The following ULK4 variants were observed in gnomAD, a reference collection of about 807,000 sequenced individuals.
ULK4 encodes inactive serine/threonine-protein kinase ULK4.
ULK4 carries 133 observed loss-of-function variants against 160.6 expected under a neutral mutation model. The observed-to-expected ratio is 0.83, with a 90% CI of 0.72 to 0.96. The LOEUF is 0.96. ULK4 is among the 40% of genes least tolerant of loss of function. The pLI, the probability that ULK4 is intolerant of heterozygous loss-of-function variation, is 0.00. For missense variants in ULK4, 1,580 were observed against 1,499.5 expected, an observed-to-expected ratio of 1.05 and a Z score of -0.89; for synonymous variants, 534 against 539.8, an observed-to-expected ratio of 0.99 and a Z score of 0.15.
rs71075479 is a variant in ULK4, at chr3:41,590,461, CAAAAAAAAA to C, written c.3121-24340_3121-24332del. Among the ~76,000 whole-genome samples the C allele has an allele frequency of 7.9e-3, 451 of 56,904 alleles. 3 individuals are homozygous for C. Among genetic ancestry groups the C allele is most frequent in the African/African-American group, 0.028 (412 of 14,588 alleles). 37.3% of individuals were successfully genotyped at this position (56,904 alleles called of 152,430 possible). Reference sequence around the variant, plus strand: ...TAAAACCCCGTCTCTACTAAAAATACAAAAAAAAAAAAAAAAAAAAAAAAATTAGCCGGG... The same window carrying C: ...TAAAACCCCGTCTCTACTAAAAATACAAAAAAAAAAAAAAAATTAGCCGGG... On this transcript the variant is annotated intron_variant, in intron 31 of 36. Coordinates refer to ENST00000301831, the MANE Select transcript of ULK4 (RefSeq NM_017886.4).
At chr3:41,726,389 C>T (rs866489347) in intron 22 of ULK4, among the ~76,000 whole-genome samples, 2 of 152,192 alleles carry the variant, frequency 1.3e-5, no homozygotes, top group African/African-American at 4.8e-5. Context: ...ACTGACTTTA[C>T]TGACAAGAGA....
chr3:41,643,501 A>T (rs191679313), intron 30 of ULK4, among the ~76,000 whole-genome samples: 3 of 152,122 alleles, frequency 2.0e-5, no homozygotes, highest in Non-Finnish European at 2.9e-5. Flanking sequence ...CAGATAGTTG[A>T]AGATATGCGG....
chr3:41,637,277 A>G (rs1272458002), intron 30 of ULK4, among the ~76,000 whole-genome samples: 4 of 152,152 alleles, frequency 2.6e-5, no homozygotes, highest in Admixed American at 6.6e-5. Context: ...TCCACATATA[A>G]GTGAGATGAT....
At chr3:41,913,415 C>T (rs980716526) in intron 8 of ULK4, among the ~76,000 whole-genome samples, 7 of 151,972 alleles carry the variant, frequency 4.6e-5, no homozygotes, top group Non-Finnish European at 7.4e-5. Context: ...TTAGTAGAGA[C>T]GGGATTTCAC....
At chr3:41,451,851 G>A (rs1319397634) in intron 34 of ULK4, among the ~76,000 whole-genome samples, 1 of 152,070 alleles carries the variant, frequency 6.6e-6, no homozygotes, top group Non-Finnish European at 1.5e-5. Flanking sequence ...TAATATCAAG[G>A]AATCAAAAAC....
intron 1 of ULK4, among the ~76,000 whole-genome samples, chr3:41,960,590 C>T (rs890800929): frequency 6.6e-6 from 1 of 152,100 alleles, no homozygotes; most frequent in Non-Finnish European, 1.5e-5. Flanking sequence ...GTCTAGAACT[C>T]CTGGCCTCAA....
At chr3:41,536,283 T>C (rs925960798) in intron 32 of ULK4, among the ~76,000 whole-genome samples, 3 of 152,106 alleles carry the variant, frequency 2.0e-5, no homozygotes. Flanking sequence ...ATATGATGAG[T>C]ATTTCTTCTC....
rs1698629827 is a variant in ULK4 at position 41,907,878 on chromosome 3, G to C, written c.1149C>G (p.His383Gln). Reference sequence around the variant, plus strand: ...GAGGAGAAGTCTTCTGTGGTGAACAGTGAGTCATATCCTCACCAGGACTTA... The same window carrying C: ...GAGGAGAAGTCTTCTGTGGTGAACACTGAGTCATATCCTCACCAGGACTTA... ...VEVSPGEDMT[H>Q]CSPQKTSPLT... The change falls in exon 12 of 37, where the codon CAC becomes CAG. Residue 383 changes from histidine to glutamine, a missense_variant. Coordinates refer to ENST00000301831, the MANE Select transcript of ULK4 (RefSeq NM_017886.4). 1 of 1,601,664 alleles carries C rather than the reference G, an allele frequency of 6.2e-7. No individual in the cohort carries two copies. The highest frequency in any genetic ancestry group is 1.1e-5 in the South Asian group (1 of 88,818).
At chr3:41,739,761 C>T (rs2038180723) in intron 22 of ULK4, among the ~76,000 whole-genome samples, 1 of 151,902 alleles carries the variant, frequency 6.6e-6, no homozygotes, top group African/African-American at 2.4e-5. Flanking sequence ...CCACCCAGGG[C>T]TTGCTCAATG....
intron 34 of ULK4, among the ~76,000 whole-genome samples, chr3:41,442,914 G>C (rs543500742): frequency 5.9e-5 from 9 of 152,294 alleles, no homozygotes; most frequent in Admixed American, 5.9e-4. Flanking sequence ...AGTTTGAATA[G>C]TGCTTCTCTT....
At position 41,665,104 on chromosome 3, in the gene ULK4, T is replaced by C. The variant is rs577168694; in HGVS notation, c.2979-1405A>G. On this transcript the variant is annotated intron_variant, in intron 29 of 36. Coordinates refer to ENST00000301831, the MANE Select transcript of ULK4 (RefSeq NM_017886.4). ...AAAAGGAAGAAAAATATCTCTAAAA[T>C]TCCTAACTGGATATTTTAAAAATCT... Among the ~76,000 whole-genome samples the C allele has an allele frequency of 2.6e-5, 4 of 152,304 alleles. No individual in the cohort carries two copies. The South Asian group carries it at 8.3e-4, about 32-fold the overall frequency.
At chr3:41,670,998 T>C (rs1559474903) in intron 29 of ULK4, among the ~76,000 whole-genome samples, 1 of 151,972 alleles carries the variant, frequency 6.6e-6, no homozygotes, top group Non-Finnish European at 1.5e-5. Context: ...ACTCAAAACA[T>C]TATACAATGA....
chr3:41,944,508 G>A (rs1307455100), intron 2 of ULK4, among the ~76,000 whole-genome samples: 4 of 152,104 alleles, frequency 2.6e-5, no homozygotes, highest in Non-Finnish European at 5.9e-5. Context: ...TCAACCTCCT[G>A]TCTCCATCCA....
At chr3:41,571,242 A>G (rs1559404063) in intron 31 of ULK4, among the ~76,000 whole-genome samples, 1 of 152,196 alleles carries the variant, frequency 6.6e-6, no homozygotes, top group Non-Finnish European at 1.5e-5. Flanking sequence ...CTTGGAGCAC[A>G]GTAATTGCTT....
intron 23 of ULK4, 79 bp from the exon 24 acceptor site, chr3:41,715,647 C>T: frequency 6.4e-7 from 1 of 1,566,402 alleles, no homozygotes; most frequent in Admixed American, 1.8e-5. Context: ...GCTTGAATAC[C>T]CATGGGACTT....
chr3:41,740,638 A>G (rs116037701), intron 22 of ULK4, among the ~76,000 whole-genome samples: 1 of 151,970 alleles, frequency 6.6e-6, no homozygotes, highest in Non-Finnish European at 1.5e-5. Flanking sequence ...AATGTAATCC[A>G]TAAAAGGCCA....
intron 22 of ULK4, among the ~76,000 whole-genome samples, chr3:41,731,799 C>T (rs1023080156): frequency 6.6e-6 from 1 of 151,788 alleles, no homozygotes; most frequent in African/African-American, 2.4e-5. Context: ...AGACCAATGA[C>T]ACACAATGGA....
At chr3:41,837,935 C>T (rs1388702989) in intron 17 of ULK4, among the ~76,000 whole-genome samples, 3 of 152,164 alleles carry the variant, frequency 2.0e-5, no homozygotes, top group Admixed American at 6.5e-5. Context: ...CCACTCACTG[C>T]CTTACACATA....
At position 41,717,759 on chromosome 3, in the gene ULK4, A is replaced by G; in HGVS notation, c.2424T>C (p.Cys808=). ...YLSKCLDLLI[C]HIVQELPRIL... ...TTCGTGGCAGCTCCTGCACAATGTG[A>G]CAGATGAGAAGATCCAGGCATTTGG... The change falls in exon 23 of 37, where the codon TGT becomes TGC. Residue 808 remains cysteine (C), a synonymous_variant. Coordinates refer to ENST00000301831, the MANE Select transcript of ULK4 (RefSeq NM_017886.4). The G allele has an allele frequency of 6.2e-7, 1 of 1,614,104 alleles. No homozygotes were observed. Among genetic ancestry groups the G allele is most frequent in the Non-Finnish European group, 8.5e-7 (1 of 1,179,974 alleles).
Sources: allele counts gnomAD v4.1 joint callset (sites outside exome capture counted in the v4.1 genomes callset), GRCh38; gene constraint gnomAD v4.1.1; transcripts MANE v1.5; gene names NCBI Gene and HGNC (gene_info 2026-07-23, HGNC 2026-07-21).